Variants in HERC5 observed in about 807,000 individuals in gnomAD.
HERC5 encodes the protein HECT and RLD domain containing E3 ubiquitin protein ligase 5.
In HERC5, 99 loss-of-function variants were observed where a neutral mutation model predicts 119.6. The ratio of observed to expected loss-of-function variants is 0.83; its 90% CI spans 0.70 to 0.98. HERC5 has a LOEUF of 0.98. Among genes scored for constraint, HERC5 ranks in the 50% least tolerant of loss-of-function variants. The pLI, the probability that HERC5 is intolerant of heterozygous loss-of-function variation, is 0.00. For missense variants in HERC5, 1,267 were observed against 1,241.3 expected (o/e 1.02, Z -0.31); for synonymous variants, 478 against 445.9 (o/e 1.07, Z -0.91).
intron 1 of HERC5, among the ~76,000 whole-genome samples, 198 bp from the exon 2 acceptor site, chr4:88,459,148 TA>T (rs1171606458): frequency 1.3e-5 from 2 of 152,128 alleles, no homozygotes; most frequent in Non-Finnish European, 2.9e-5. Context: ...TTTTTCTAAT[TA>T]AAAAAAATCT....
rs1281134202 is a variant in HERC5, at chr4:88,463,926, A to T, written c.852A>T (p.Leu284=). 10 of 1,613,914 alleles carry T rather than the reference A, an allele frequency of 6.2e-6. No homozygotes were observed. The East Asian group carries it at 2.2e-4, about 36-fold the overall frequency. ...GTCATAATTCAACACAGAATGAGCTAAGACCCTGTTTGGTGGCTGAGCTTG... is the reference window on the plus strand; with the variant it reads ...GTCATAATTCAACACAGAATGAGCTTAGACCCTGTTTGGTGGCTGAGCTTG... ...QLGHNSTQNE[L]RPCLVAELVG... The change falls in exon 6 of 23, where the codon CTA becomes CTT. Residue 284 remains leucine (L), a synonymous_variant. Transcript: ENST00000264350.
intron 13 of HERC5, among the ~76,000 whole-genome samples, chr4:88,479,843 G>A (rs540423330): frequency 7.9e-5 from 12 of 152,130 alleles, no homozygotes; most frequent in South Asian, 2.1e-4. Flanking sequence ...CAAGGCGGGC[G>A]GATCACGAGG....
intron 20 of HERC5, among the ~76,000 whole-genome samples, chr4:88,502,999 G>C (rs1443039345): frequency 1.3e-5 from 2 of 151,690 alleles, no homozygotes; most frequent in Non-Finnish European, 2.9e-5. Context: ...ACCAAAATTT[G>C]TAATTGTAAT....
At position 88,476,444 on chromosome 4, in the gene HERC5, T is replaced by C. The variant is rs576853298; in HGVS notation, c.1582+414T>C. Among the ~76,000 whole-genome samples the C allele has an allele frequency of 2.6e-5, 4 of 152,350 alleles. No homozygotes were observed. In the East Asian group the frequency reaches 7.7e-4, roughly 29 times the overall value. ...CTAAACTTGTAATAGTAATTGTATT[T>C]ATTCACTGAAAAGTTTATTACAATT... On this transcript the variant is annotated intron_variant, in intron 12 of 22. Transcript: ENST00000264350.
At chr4:88,494,436 T>A in intron 18 of HERC5, 105 bp downstream of exon 18, 1 of 949,314 alleles carries the variant, frequency 1.1e-6, no homozygotes, top group Non-Finnish European at 1.6e-6. Context: ...AGCAGCATTT[T>A]AGGTACTTTA....
intron 13 of HERC5, among the ~76,000 whole-genome samples, chr4:88,481,273 G>A (rs1394741366): frequency 6.6e-6 from 1 of 152,024 alleles, no homozygotes; most frequent in Non-Finnish European, 1.5e-5. Flanking sequence ...GGCTGGTCTC[G>A]AACTCCTGAG....
chr4:88,504,476 T>C lies in HERC5; in HGVS notation c.2767-19T>C, dbSNP rs768425475. 4 of 1,569,784 alleles carry C rather than the reference T, an allele frequency of 2.5e-6. No individual in the cohort carries two copies. In the South Asian group the frequency reaches 3.5e-5, roughly 14 times the overall value. ...TTCCTTCCTATTTCCTCAATAACTT[T>C]TTTTTGTATTTTCTCTAGAATGCAC... On this transcript the variant is annotated intron_variant, in intron 21 of 22. Coordinates refer to ENST00000264350, the MANE Select transcript of HERC5 (RefSeq NM_016323.4).
intron 22 of HERC5, 86 bp downstream of exon 22, chr4:88,504,683 A>G (rs1349610864): frequency 8.6e-6 from 6 of 701,076 alleles, no homozygotes; most frequent in East Asian, 3.0e-5. Flanking sequence ...ACCATTTGCA[A>G]CAGATCATAG....
chr4:88,470,761 G>A, intron 10 of HERC5, 88 bp downstream of exon 10: 1 of 605,574 alleles, frequency 1.7e-6, no homozygotes, highest in South Asian at 2.5e-5. Context: ...TAAAATAGCT[G>A]TGTGTTCATC....
chr4:88,505,670 T>C lies in HERC5; in HGVS notation c.2870-3T>C. 1 of 1,480,840 alleles carries C rather than the reference T, an allele frequency of 6.8e-7. No homozygotes were observed. The highest frequency in any genetic ancestry group is 9.3e-7 in the Non-Finnish European group (1 of 1,070,550). The allele number at this position is 1,480,840 out of a possible 1,614,324, so 91.7% of individuals were successfully genotyped here. On this transcript the variant is annotated splice_region_variant and splice_polypyrimidine_tract_variant and intron_variant, in intron 22 of 22. Transcript: ENST00000264350. ...GATTGCCTAATTTTATTCTTCTTTTTAGTATTTCTTACAGGAACTGACAGA... is the reference window on the plus strand; with the variant it reads ...GATTGCCTAATTTTATTCTTCTTTTCAGTATTTCTTACAGGAACTGACAGA...
At chr4:88,501,483 A>G (rs1215957690) in intron 20 of HERC5, among the ~76,000 whole-genome samples, 1 of 152,172 alleles carries the variant, frequency 6.6e-6, no homozygotes, top group Non-Finnish European at 1.5e-5. Flanking sequence ...CCCAACATCT[A>G]ATGGAATGCC....
At chr4:88,480,943 C>T (rs1741258086) in intron 13 of HERC5, among the ~76,000 whole-genome samples, 1 of 152,024 alleles carries the variant, frequency 6.6e-6, no homozygotes, top group African/African-American at 2.4e-5. Flanking sequence ...GTATCCTAGT[C>T]TTTTGCTTTA....
rs192838603 is a variant in HERC5 at position 88,497,118 on chromosome 4, A to C, written c.2444+2787A>C. ...ATAAATTTCTATTTATAGATTACCC[A>C]GTCTAAGGTATTTTGTTATGGCAGC... is the stretch of plus-strand genomic sequence containing the variant. On this transcript the variant is annotated intron_variant, in intron 18 of 22. Coordinates refer to ENST00000264350, the MANE Select transcript of HERC5 (RefSeq NM_016323.4). 1.5e-4 allele frequency among the ~76,000 whole-genome samples: 23 copies of C among 152,336 alleles called. 1 individual carries two copies. The highest frequency in any genetic ancestry group is 5.5e-4 in the African/African-American group (23 of 41,574).
In HERC5 at chr4:88,495,153, A is replaced by G. The variant is rs1442266097; in HGVS notation, c.2444+822A>G. Among the ~76,000 whole-genome samples the G allele has an allele frequency of 2.0e-5, 3 of 152,332 alleles. No individual in the cohort carries two copies. The South Asian group carries it at 6.2e-4, about 32-fold the overall frequency. On this transcript the variant is annotated intron_variant, in intron 18 of 22. Transcript: ENST00000264350. Reference sequence around the variant, plus strand: ...GTATAGTAATATATACTGTATTTATAGTTTATAATATAAAGACTCCCTAAA... The same window carrying G: ...GTATAGTAATATATACTGTATTTATGGTTTATAATATAAAGACTCCCTAAA...
At position 88,462,020 on chromosome 4, in the gene HERC5, A is replaced by G. The variant is rs1244695489; in HGVS notation, c.467-115A>G. On this transcript the variant is annotated intron_variant, in intron 3 of 22. Coordinates refer to ENST00000264350, the MANE Select transcript of HERC5 (RefSeq NM_016323.4). ...ACATAGGGTAACTGAGAGTACCATCAGTGCAAAGGTACAATATTGTGATAT... is the reference window on the plus strand; with the variant it reads ...ACATAGGGTAACTGAGAGTACCATCGGTGCAAAGGTACAATATTGTGATAT... 2.1e-5 allele frequency: 17 copies of G among 820,670 alleles called. No individual in the cohort carries two copies. The South Asian group carries it at 2.4e-4, about 11-fold the overall frequency. The allele number at this position is 820,670 out of a possible 1,614,324, so 50.8% of individuals were successfully genotyped here.
In HERC5 at chr4:88,467,220, A is replaced by G. The variant is rs748836362; in HGVS notation, c.1057+16A>G. On this transcript the variant is annotated intron_variant, in intron 7 of 22. Transcript: ENST00000264350. ...CTCAAACTTGGTAAATTCTATAGGAACATAGGGTTTGGCATAGTATCTTTT... is the reference window on the plus strand; with the variant it reads ...CTCAAACTTGGTAAATTCTATAGGAGCATAGGGTTTGGCATAGTATCTTTT... 6.2e-7 allele frequency: 1 copy of G among 1,612,502 alleles called. No homozygotes were observed. The highest frequency in any genetic ancestry group is 8.5e-7 in the Non-Finnish European group (1 of 1,178,814).
intron 18 of HERC5, among the ~76,000 whole-genome samples, chr4:88,494,818 A>G (rs1162131538): frequency 1.3e-5 from 2 of 152,236 alleles, no homozygotes; most frequent in African/African-American, 2.4e-5. Context: ...CAAAGAAGCA[A>G]TAGAAATGCT....
chr4:88,460,574 T>TA (rs1740393858), intron 3 of HERC5, among the ~76,000 whole-genome samples: 2 of 152,232 alleles, frequency 1.3e-5, no homozygotes, highest in African/African-American at 4.8e-5. Flanking sequence ...AGACCTCTGA[T>TA]ACGTTTTAAC....
At chr4:88,478,035 A>G (rs967700656) in intron 12 of HERC5, among the ~76,000 whole-genome samples, 1 of 152,244 alleles carries the variant, frequency 6.6e-6, no homozygotes, top group Non-Finnish European at 1.5e-5. Flanking sequence ...TTCACAAATT[A>G]ATTACATCAA....
Sources: gnomAD v4.1 joint callset for allele counts (sites outside exome capture counted in the v4.1 genomes callset) on GRCh38, gnomAD v4.1.1 for gene constraint, MANE v1.5 for transcripts, NCBI Gene and HGNC (gene_info 2026-07-23, HGNC 2026-07-21) for gene names.